The following NUDCD3 variants were observed in gnomAD, a reference collection of about 807,000 sequenced individuals.
The protein encoded by NUDCD3 is NudC domain containing 3.
NUDCD3 carries 13 observed loss-of-function variants against 39.7 expected under a neutral mutation model. That is an observed-to-expected ratio of 0.33 (90% CI 0.21 to 0.52). NUDCD3 has a LOEUF of 0.52. NUDCD3 is among the 20% of genes least tolerant of loss of function. NUDCD3 has a pLI of 0.96. For synonymous variants in NUDCD3, 175 were observed against 172.4 expected (o/e 1.02, Z -0.12); for missense variants, 453 against 458.1 (o/e 0.99, Z 0.10).
chr7:44,404,690 C>T lies in NUDCD3; in HGVS notation c.643-107G>A, dbSNP rs573067791. 32 of 1,179,936 alleles carry T rather than the reference C, an allele frequency of 2.7e-5. 1 individual carries two copies. Among genetic ancestry groups the T allele is most frequent in the African/African-American group, 2.1e-4 (14 of 66,444 alleles). The allele number at this position is 1,179,936 out of a possible 1,614,324, so 73.1% of individuals were successfully genotyped here. A position where few individuals can be genotyped will look rare whatever the true frequency, so the allele number is the denominator to read the frequency against. ...CAAGGTACCTGACTGCACACTACAG[C>T]GCTGTCATCAGGCTCACCAGGCATC... On this transcript the variant is annotated intron_variant, in intron 3 of 5. Coordinates refer to ENST00000355451, the MANE Select transcript of NUDCD3 (RefSeq NM_015332.4).
intron 2 of NUDCD3, among the ~76,000 whole-genome samples, chr7:44,451,022 A>G (rs1799785639): frequency 1.3e-5 from 2 of 152,270 alleles, no homozygotes; most frequent in Admixed American, 6.5e-5. Context: ...TATACTCTGA[A>G]TATTTGTACA....
At chr7:44,421,754 TCAA>T (rs1249104590) in intron 3 of NUDCD3, among the ~76,000 whole-genome samples, 1 of 152,104 alleles carries the variant, frequency 6.6e-6, no homozygotes, top group Admixed American at 6.6e-5. Flanking sequence ...CAATATTAGA[TCAA>T]CGAGACAGAA....
intron 2 of NUDCD3, among the ~76,000 whole-genome samples, chr7:44,474,973 A>T (rs1156799345): frequency 2.6e-5 from 4 of 152,224 alleles, no homozygotes; most frequent in African/African-American, 9.6e-5. Flanking sequence ...TCTGAGGGGA[A>T]ACAGACAGAC....
chr7:44,449,193 A>G (rs1799744856), intron 2 of NUDCD3, among the ~76,000 whole-genome samples: 1 of 152,248 alleles, frequency 6.6e-6, no homozygotes, highest in African/African-American at 2.4e-5. Flanking sequence ...TAAGGGGTGG[A>G]AACAAGACGA....
At chr7:44,452,518 T>C (rs1234393689) in intron 2 of NUDCD3, among the ~76,000 whole-genome samples, 2 of 152,126 alleles carry the variant, frequency 1.3e-5, no homozygotes, top group Non-Finnish European at 2.9e-5. Context: ...ACCAGGACTA[T>C]CTCACAGGAG....
At chr7:44,471,389 C>G (rs577685986) in intron 2 of NUDCD3, among the ~76,000 whole-genome samples, 2 of 152,034 alleles carry the variant, frequency 1.3e-5, no homozygotes, top group African/African-American at 2.4e-5. Flanking sequence ...TATTTTCAAT[C>G]CAAGGTTGGT....
At chr7:44,414,493 A>AG (rs1798984562) in intron 3 of NUDCD3, among the ~76,000 whole-genome samples, 3 of 152,222 alleles carry the variant, frequency 2.0e-5, no homozygotes, top group African/African-American at 7.2e-5. Flanking sequence ...GGACACAGCA[A>AG]TACATGTTCA....
chr7:44,429,777 T>C (rs1799316970), intron 2 of NUDCD3, among the ~76,000 whole-genome samples: 1 of 152,024 alleles, frequency 6.6e-6, no homozygotes, highest in South Asian at 2.1e-4. Flanking sequence ...AAACCAGGAG[T>C]TACATAGGAT....
In NUDCD3 at chr7:44,441,417, C is replaced by T. The variant is rs149616084; in HGVS notation, c.510-13714G>A. Among the ~76,000 whole-genome samples, 4 of 152,256 alleles carry T rather than the reference C, an allele frequency of 2.6e-5. No individual in the cohort carries two copies. In the East Asian group the frequency reaches 7.7e-4, roughly 29 times the overall value. ...AGGACTTTCAGTACCAAGAACCACC[C>T]AGTCTTCCAGGGAGAAATGAATTCC... On this transcript the variant is annotated intron_variant, in intron 2 of 5. Transcript: ENST00000355451.
In NUDCD3 at chr7:44,457,389, T is replaced by C. The variant is rs552604330; in HGVS notation, c.509+27579A>G. On this transcript the variant is annotated intron_variant, in intron 2 of 5. Coordinates refer to ENST00000355451, the MANE Select transcript of NUDCD3 (RefSeq NM_015332.4). ...AAAAGTAAAATTATCTGTTTGCAAA[T>C]GAAAAGATCTTGTATATAGAAAATC... Among the ~76,000 whole-genome samples the C allele has an allele frequency of 6.6e-5, 10 of 152,278 alleles. No homozygotes were observed. In the South Asian group the frequency reaches 1.7e-3, roughly 25 times the overall value.
At chr7:44,388,682 T>C (rs979369294) in intron 5 of NUDCD3, among the ~76,000 whole-genome samples, 17 of 152,208 alleles carry the variant, frequency 1.1e-4, no homozygotes, top group African/African-American at 2.9e-4. Context: ...TCTATAGCTG[T>C]CACCTGAGAG....
At chr7:44,389,453 C>T (rs889453302) in intron 5 of NUDCD3, among the ~76,000 whole-genome samples, 9 of 152,034 alleles carry the variant, frequency 5.9e-5, no homozygotes, top group South Asian at 2.1e-4. Flanking sequence ...CCGAGGCGGG[C>T]GGATCACGAG....
At position 44,454,351 on chromosome 7, in the gene NUDCD3, A is replaced by G. The variant is rs73105387; in HGVS notation, c.510-26648T>C. 2.6e-3 allele frequency among the ~76,000 whole-genome samples: 391 copies of G among 152,282 alleles called. 1 individual carries two copies. The highest frequency in any genetic ancestry group is 5.5e-3 in the Admixed American group (84 of 15,292). The stretch of plus-strand genomic sequence containing the variant: ...GAGACTCTGTCTCAAAAATAAAAAT[A>G]AAAAAATAAAAACTCCCATGTCAAA... On this transcript the variant is annotated intron_variant, in intron 2 of 5. Transcript: ENST00000355451.
At chr7:44,386,409 C>G (rs1798404297) in intron 5 of NUDCD3, among the ~76,000 whole-genome samples, 1 of 152,212 alleles carries the variant, frequency 6.6e-6, no homozygotes, top group Non-Finnish European at 1.5e-5. Flanking sequence ...TTCATCTTGT[C>G]CCTTTTCCAC....
intron 2 of NUDCD3, among the ~76,000 whole-genome samples, chr7:44,441,589 T>C (rs1799585808): frequency 6.6e-6 from 1 of 152,160 alleles, no homozygotes; most frequent in Admixed American, 6.5e-5. Context: ...CTGGACTCTC[T>C]GTGCCACCCT....
chr7:44,454,140 C>T (rs1799846789), intron 2 of NUDCD3, among the ~76,000 whole-genome samples: 1 of 152,048 alleles, frequency 6.6e-6, no homozygotes, highest in African/African-American at 2.4e-5. Flanking sequence ...GAGATCAAGA[C>T]CATCCTGGCT....
At chr7:44,450,847 T>C (rs576050220) in intron 2 of NUDCD3, among the ~76,000 whole-genome samples, 56 of 152,216 alleles carry the variant, frequency 3.7e-4, no homozygotes, top group South Asian at 1.5e-3. Context: ...ATAGCACAAA[T>C]GGTCATATTT....
intron 2 of NUDCD3, chr7:44,468,048 G>A (rs1246134730): frequency 4.3e-6 from 7 of 1,612,794 alleles, no homozygotes; most frequent in Non-Finnish European, 5.9e-6. Flanking sequence ...AGATTCAAGG[G>A]CCAGATCTTG....
rs1187633701 is a variant in NUDCD3 at position 44,404,450 on chromosome 7, T to G, written c.776A>C (p.Lys259Thr). 1 of 1,613,940 alleles carries G rather than the reference T, an allele frequency of 6.2e-7. No individual in the cohort carries two copies. Among genetic ancestry groups the G allele is most frequent in the African/African-American group, 1.3e-5 (1 of 74,900 alleles). Residue 259 changes from lysine (K) to threonine (T), a missense_variant, in exon 4 of 6, where the codon AAG (lysine) becomes ACG (threonine). Transcript: ENST00000355451. ...ESSLWSLEPG[K>T]CVLVNLSKVG... ...GGTGCCCAAACTTACCAAAACGCAC[T>G]TCCCGGGCTCGAGACTCCAGAGAGA...
Sources: allele counts gnomAD v4.1 joint callset (sites outside exome capture counted in the v4.1 genomes callset), GRCh38; gene constraint gnomAD v4.1.1; transcripts MANE v1.5; gene names NCBI Gene and HGNC (gene_info 2026-07-23, HGNC 2026-07-21).